NRXN1: variants seen among roughly 807,000 people sequenced by gnomAD.
NRXN1 encodes neurexin-1.
NRXN1 carries 39 observed loss-of-function variants against 150.9 expected under a neutral mutation model. The observed-to-expected ratio is 0.26, with a 90% CI of 0.20 to 0.34. The LOEUF (loss-of-function observed/expected upper bound fraction) is 0.34, where lower values mean the gene tolerates loss of function less well. Ranked by LOEUF, NRXN1 falls within the 10% of genes least tolerant of loss-of-function variation. The pLI is 1.00. For missense variants in NRXN1, 1,815 were observed against 1,949.9 expected, an observed-to-expected ratio of 0.93 and a Z score of 1.30; for synonymous variants, 924 against 757.0, an observed-to-expected ratio of 1.22 and a Z score of -3.62.
intron 18 of NRXN1, among the ~76,000 whole-genome samples, chr2:50,092,851 C>T (rs1468137933): frequency 6.6e-6 from 1 of 152,058 alleles, no homozygotes; most frequent in Admixed American, 6.6e-5. Flanking sequence ...TATAAGTTAG[C>T]ATGCTTACAA....
intron 5 of NRXN1, among the ~76,000 whole-genome samples, chr2:50,799,005 T>C (rs943052696): frequency 3.3e-5 from 5 of 152,182 alleles, no homozygotes; most frequent in Non-Finnish European, 5.9e-5. Context: ...GTTTTTACCA[T>C]TGAAAGTAAT....
At chr2:50,376,335 G>T (rs1290421321) in intron 17 of NRXN1, among the ~76,000 whole-genome samples, 1 of 150,684 alleles carries the variant, frequency 6.6e-6, no homozygotes, top group Non-Finnish European at 1.5e-5. Context: ...TGTTCTATTG[G>T]CTTACTGCTC....
chr2:50,127,658 T>C (rs528155088), intron 18 of NRXN1, among the ~76,000 whole-genome samples: 5 of 152,224 alleles, frequency 3.3e-5, no homozygotes, highest in Admixed American at 1.3e-4. Context: ...GACACAAAAC[T>C]AGAAGACAGC....
intron 5 of NRXN1, among the ~76,000 whole-genome samples, chr2:50,764,889 A>T (rs9309195): frequency 2.0e-5 from 3 of 151,972 alleles, no homozygotes; most frequent in East Asian, 3.9e-4. Flanking sequence ...GGCTCCCAAG[A>T]GGAGCACATC....
chr2:49,996,769 C>T (rs139588608), intron 21 of NRXN1, among the ~76,000 whole-genome samples: 13 of 152,214 alleles, frequency 8.5e-5, no homozygotes, highest in African/African-American at 2.9e-4. Flanking sequence ...GCTGCCCTGC[C>T]CATCCATGCT....
chr2:50,251,006 ATGTGT>A, intron 17 of NRXN1, among the ~76,000 whole-genome samples: 6 of 119,642 alleles, frequency 5.0e-5, no homozygotes, highest in African/African-American at 1.9e-4. Flanking sequence ...CACATTGCAT[ATGTGT>A]AATATTACAT....
chr2:50,869,371 T>C (rs1298995289), intron 5 of NRXN1, among the ~76,000 whole-genome samples: 1 of 151,644 alleles, frequency 6.6e-6, no homozygotes, highest in Non-Finnish European at 1.5e-5. Flanking sequence ...CTGCTACTAC[T>C]GTAATTCTCA....
At chr2:50,460,779 T>C (rs1168096756) in intron 17 of NRXN1, among the ~76,000 whole-genome samples, 2 of 152,072 alleles carry the variant, frequency 1.3e-5, no homozygotes, top group Non-Finnish European at 2.9e-5. Context: ...CATAGTTTTT[T>C]TAAGGTGTTT....
chr2:51,011,791 C>T lies in NRXN1; in HGVS notation c.772+15711G>A, dbSNP rs756255373. Reference sequence around the variant, plus strand: ...TTATCTTTCAGCCAAAGGAGCAGTACTATTTATAAAGGATCACTCCAGTAG... The same window carrying T: ...TTATCTTTCAGCCAAAGGAGCAGTATTATTTATAAAGGATCACTCCAGTAG... On this transcript the variant is annotated intron_variant, in intron 2 of 22. Transcript: ENST00000401669. Among the ~76,000 whole-genome samples the T allele has an allele frequency of 5.3e-5, 8 of 151,914 alleles. 1 individual carries two copies. The highest frequency in any genetic ancestry group is 1.0e-4 in the Non-Finnish European group (7 of 67,960).
chr2:49,962,143 G>A (rs1573072501), intron 21 of NRXN1, among the ~76,000 whole-genome samples: 1 of 152,138 alleles, frequency 6.6e-6, no homozygotes, highest in African/African-American at 2.4e-5. Context: ...TCTTTGGGTG[G>A]AGAGTATTGA....
At chr2:50,571,979 A>C (rs1478659957) in intron 8 of NRXN1, among the ~76,000 whole-genome samples, 3 of 152,152 alleles carry the variant, frequency 2.0e-5, no homozygotes, top group African/African-American at 7.2e-5. Flanking sequence ...GATTTTTGGC[A>C]GGGTACTCTA....
intron 2 of NRXN1, among the ~76,000 whole-genome samples, chr2:51,002,586 G>A (rs1426871936): frequency 6.6e-6 from 1 of 151,828 alleles, no homozygotes; most frequent in Admixed American, 6.6e-5. Flanking sequence ...TATCCTCTAT[G>A]TACCTAGGAA....
intron 2 of NRXN1, among the ~76,000 whole-genome samples, chr2:50,934,740 C>T (rs1688266237): frequency 6.6e-6 from 1 of 152,124 alleles, no homozygotes; most frequent in Admixed American, 6.6e-5. Context: ...GTTTTAAAAG[C>T]AAACATCTAT....
Position 50,773,557 on chromosome 2 carries a change from T to C in NRXN1, c.832+148312A>G, listed in dbSNP as rs539792947. Among the ~76,000 whole-genome samples, 13 of 152,250 alleles carry C rather than the reference T, an allele frequency of 8.5e-5. No homozygotes were observed. The South Asian group carries it at 2.1e-3, about 24-fold the overall frequency. The stretch of plus-strand genomic sequence containing the variant: ...GGAGGGAATCAATAAGAGCTGAATA[T>C]GAAACATTGGTGCAGTGCACTAGCT... On this transcript the variant is annotated intron_variant, in intron 5 of 22. Transcript: ENST00000401669.
At chr2:50,204,705 G>C (rs2062437839) in intron 18 of NRXN1, among the ~76,000 whole-genome samples, 2 of 151,982 alleles carry the variant, frequency 1.3e-5, no homozygotes. Flanking sequence ...CTTCATATAT[G>C]GGAATAAATG....
chr2:50,378,235 G>A (rs2080674138), intron 17 of NRXN1, among the ~76,000 whole-genome samples: 1 of 152,220 alleles, frequency 6.6e-6, no homozygotes, highest in Non-Finnish European at 1.5e-5. Context: ...AGGCATACAT[G>A]TTTACATAGC....
chr2:49,974,284 T>C, intron 21 of NRXN1: 1 of 560,036 alleles, frequency 1.8e-6, no homozygotes, highest in Non-Finnish European at 3.4e-6. Flanking sequence ...CCGTCTGCAG[T>C]TGACGAGGCT....
intron 2 of NRXN1, among the ~76,000 whole-genome samples, chr2:51,015,084 C>A (rs1179933086): frequency 2.0e-5 from 3 of 152,092 alleles, no homozygotes; most frequent in Non-Finnish European, 4.4e-5. Context: ...GTCCTGTCTT[C>A]TACTAACCAG....
chr2:50,267,292 G>A (rs956104440), intron 17 of NRXN1, among the ~76,000 whole-genome samples: 2 of 152,184 alleles, frequency 1.3e-5, no homozygotes, highest in Admixed American at 6.5e-5. Flanking sequence ...TTTGAAGAAA[G>A]TAAGCTGTAT....
Sources: allele counts gnomAD v4.1 joint callset (sites outside exome capture counted in the v4.1 genomes callset), GRCh38; gene constraint gnomAD v4.1.1; transcripts MANE v1.5; gene names NCBI Gene and HGNC (gene_info 2026-07-23, HGNC 2026-07-21).